Variants in SUDS3 observed in about 807,000 individuals in gnomAD.
SUDS3 encodes sin3 histone deacetylase corepressor complex component SDS3.
In SUDS3, 23 loss-of-function variants were observed where a neutral mutation model predicts 53.5. The ratio of observed to expected loss-of-function variants is 0.43; its 90% CI spans 0.31 to 0.61. The LOEUF (loss-of-function observed/expected upper bound fraction) is 0.61. Ranked by LOEUF, SUDS3 falls within the 20% of genes least tolerant of loss-of-function variation. The pLI is 0.10. For synonymous variants in SUDS3, 150 were observed against 148.5 expected, an observed-to-expected ratio of 1.01 and a Z score of -0.08; for missense variants, 291 against 405.9, an observed-to-expected ratio of 0.72 and a Z score of 2.43.
At chr12:118,408,240 C>T (rs895610941) in intron 10 of SUDS3, among the ~76,000 whole-genome samples, 3 of 151,650 alleles carry the variant, frequency 2.0e-5, no homozygotes, top group Non-Finnish European at 2.9e-5. Context: ...CACCTTGTTG[C>T]CCAGGCTGGT....
intron 10 of SUDS3, 142 bp downstream of exon 10, chr12:118,403,659 T>C (rs1275680397): frequency 3.0e-6 from 2 of 667,808 alleles, no homozygotes; most frequent in Non-Finnish European, 5.2e-6. Context: ...AAAAAATGTA[T>C]TAGCAGTCAT....
intron 7 of SUDS3, 45 bp from the exon 8 acceptor site, chr12:118,401,714 C>A (rs766240622): frequency 6.6e-7 from 1 of 1,514,640 alleles, no homozygotes; most frequent in Non-Finnish European, 9.2e-7. Context: ...TTACTCTTTG[C>A]CTGGAAACTG....
At chr12:118,389,726 G>C (rs182850971) in intron 4 of SUDS3, among the ~76,000 whole-genome samples, 7 of 152,196 alleles carry the variant, frequency 4.6e-5, no homozygotes, top group Non-Finnish European at 1.0e-4. Flanking sequence ...ATGTTGGCAG[G>C]CTGGCAGGGT....
At chr12:118,403,129 A>G (rs2046278718) in intron 9 of SUDS3, among the ~76,000 whole-genome samples, 3 of 152,316 alleles carry the variant, frequency 2.0e-5, no homozygotes, top group South Asian at 4.1e-4. Context: ...GTCCTACTCT[A>G]AGTGACCTTA....
chr12:118,391,105 C>A (rs371581324), intron 5 of SUDS3, 21 bp from the exon 6 acceptor site: 1 of 1,611,282 alleles, frequency 6.2e-7, no homozygotes, highest in Non-Finnish European at 8.5e-7. Context: ...TACTCCCAGC[C>A]CGTGTTTCTC....
At chr12:118,389,163 C>T (rs762020596) in intron 4 of SUDS3, among the ~76,000 whole-genome samples, 29 of 151,990 alleles carry the variant, frequency 1.9e-4, no homozygotes, top group Admixed American at 5.2e-4. Context: ...AAACCAGAAC[C>T]CCCCAGAAAA....
At chr12:118,382,814 C>CCCA (rs1309610291) in intron 2 of SUDS3, among the ~76,000 whole-genome samples, 1 of 145,784 alleles carries the variant, frequency 6.9e-6, no homozygotes, top group Admixed American at 7.0e-5. Flanking sequence ...ATTACAGGCG[C>CCCA]CCACCACCAC....
chr12:118,378,828 G>A (rs1217954462), intron 1 of SUDS3, among the ~76,000 whole-genome samples: 4 of 151,932 alleles, frequency 2.6e-5, no homozygotes, highest in Non-Finnish European at 4.4e-5. Flanking sequence ...GGCATGTGCC[G>A]CCACCCCCAG....
rs556695551 is a variant in SUDS3 at position 118,416,297 on chromosome 12, A to G, written c.*1864A>G. On this transcript the variant is annotated 3_prime_UTR_variant, in exon 12 of 12. Coordinates refer to ENST00000543473, the MANE Select transcript of SUDS3 (RefSeq NM_022491.3). ...TGTGTTTTGTCCTCCTAAACAGTAT[A>G]CCAAAGTTTGTTTTTATAGTTGAGG... The G allele has an allele frequency of 1.3e-5, 2 of 152,334 alleles. No homozygotes were observed. Among genetic ancestry groups the G allele is most frequent in the African/African-American group, 2.4e-5 (1 of 41,586 alleles). 9.4% of individuals were successfully genotyped at this position (152,334 alleles called of 1,614,324 possible). A position where few individuals can be genotyped will look rare whatever the true frequency, so the allele number is the denominator to read the frequency against.
chr12:118,382,841 T>G (rs1406472627), intron 2 of SUDS3, among the ~76,000 whole-genome samples: 1 of 150,946 alleles, frequency 6.6e-6, no homozygotes, highest in Non-Finnish European at 1.5e-5. Context: ...CTAATTTTTT[T>G]TTTTTAAGTA....
intron 6 of SUDS3, 147 bp from the exon 7 acceptor site, chr12:118,400,512 G>A (rs1016059362): frequency 2.0e-5 from 14 of 687,210 alleles, no homozygotes; most frequent in Non-Finnish European, 3.0e-5. Flanking sequence ...CTAATGGGGT[G>A]TCTGGCTACG....
At position 118,402,065 on chromosome 12, in the gene SUDS3, T is replaced by C; in HGVS notation, c.697+61T>C. On this transcript the variant is annotated intron_variant, in intron 9 of 11. Coordinates refer to ENST00000543473, the MANE Select transcript of SUDS3 (RefSeq NM_022491.3). ...TTTATCATGTTGTTGGAAAAGGGTG[T>C]GAATACCTGTCAGGAAATGGTTGCA... 3.8e-6 allele frequency: 6 copies of C among 1,580,696 alleles called. No individual in the cohort carries two copies. In the South Asian group the frequency reaches 6.7e-5, roughly 18 times the overall value.
Position 118,376,760 on chromosome 12 carries a change from C to T in SUDS3, c.69C>T (p.Tyr23=). Residue 23 remains tyrosine, a synonymous_variant, in exon 1 of 12, where the codon TAC becomes TAT. Coordinates refer to ENST00000543473, the MANE Select transcript of SUDS3 (RefSeq NM_022491.3). ...QAGAPPAPEY[Y]PEEDEELESA... is the part of the protein sequence containing the mutation. ...GAGCGCCGCCGGCCCCCGAGTACTA[C>T]CCCGAGGAGGATGAAGAGCTGGAGA... The T allele has an allele frequency of 6.5e-7, 1 of 1,549,082 alleles. No homozygotes were observed. Among genetic ancestry groups the T allele is most frequent in the Non-Finnish European group, 8.7e-7 (1 of 1,152,734 alleles).
intron 10 of SUDS3, 43 bp downstream of exon 10, chr12:118,403,560 A>AAGAGGGCTTGGGCTCTCTTTC: frequency 6.7e-7 from 1 of 1,501,622 alleles, no homozygotes; most frequent in Non-Finnish European, 9.2e-7. Flanking sequence ...TCTCATATGA[A>AAGAGGGCTTGGGCTCTCTTTC]CCACTTGGAA....
intron 10 of SUDS3, among the ~76,000 whole-genome samples, chr12:118,408,736 T>A (rs1041814230): frequency 6.6e-6 from 1 of 152,052 alleles, no homozygotes; most frequent in Non-Finnish European, 1.5e-5. Flanking sequence ...GTTTCCACAC[T>A]CGTAATATTC....
intron 6 of SUDS3, among the ~76,000 whole-genome samples, chr12:118,398,202 A>G (rs887262076): frequency 1.4e-4 from 21 of 152,316 alleles, no homozygotes; most frequent in Non-Finnish European, 2.4e-4. Context: ...GATTTCACAC[A>G]TATCATCACA....
At chr12:118,383,926 A>G (rs1249356617) in intron 2 of SUDS3, 86 bp from the exon 3 acceptor site, 8 of 1,264,572 alleles carry the variant, frequency 6.3e-6, no homozygotes, top group Middle Eastern at 1.9e-4. Context: ...TTCCCATAAC[A>G]GCCCAGCTAA....
chr12:118,379,755 C>A (rs1026898425), intron 1 of SUDS3, among the ~76,000 whole-genome samples: 1 of 152,186 alleles, frequency 6.6e-6, no homozygotes, highest in Non-Finnish European at 1.5e-5. Flanking sequence ...GAAGTAGCAG[C>A]CTTCACCATA....
In SUDS3 at chr12:118,383,995, CTTTT is replaced by C; in HGVS notation, c.213-8_213-5del. 1 of 1,368,876 alleles carries C rather than the reference CTTTT, an allele frequency of 7.3e-7. No individual in the cohort carries two copies. The highest frequency in any genetic ancestry group is 1.0e-6 in the Non-Finnish European group (1 of 992,066). 84.8% of individuals were successfully genotyped at this position (1,368,876 alleles called of 1,614,324 possible). On this transcript the variant is annotated splice_polypyrimidine_tract_variant and intron_variant, in intron 2 of 11. Coordinates refer to ENST00000543473, the MANE Select transcript of SUDS3 (RefSeq NM_022491.3). ...TGAATGTTTTTATCTGTTAGTGTGA[CTTTT>C]TTTTTTTTATAGGATGTATCAGGAC...
Sources: allele counts gnomAD v4.1 joint callset (sites outside exome capture counted in the v4.1 genomes callset), GRCh38; gene constraint gnomAD v4.1.1; transcripts MANE v1.5; gene names NCBI Gene and HGNC (gene_info 2026-07-23, HGNC 2026-07-21).